Variants in DNAH11 observed in about 807,000 individuals in gnomAD.
DNAH11 encodes the protein axonemal beta dynein heavy chain 11.
DNAH11 carries 442 observed loss-of-function variants against 526.0 expected under a neutral mutation model. The ratio of observed to expected loss-of-function variants is 0.84; its 90% CI spans 0.78 to 0.91. The LOEUF (loss-of-function observed/expected upper bound fraction) is 0.91, where lower values mean the gene tolerates loss of function less well. Ranked by LOEUF, DNAH11 falls within the 40% of genes least tolerant of loss-of-function variation. The probability of loss-of-function intolerance (pLI) is 0.00; values close to 1 mark genes in which losing one functional copy is unlikely to be tolerated. For missense variants in DNAH11, 6,989 were observed against 5,448.7 expected, an observed-to-expected ratio of 1.28 and a Z score of -8.90; for synonymous variants, 2,461 against 1,935.9, an observed-to-expected ratio of 1.27 and a Z score of -7.12.
At chr7:21,684,958 T>G (rs575370677) in intron 32 of DNAH11, among the ~76,000 whole-genome samples, 3 of 152,332 alleles carry the variant, frequency 2.0e-5, no homozygotes, top group African/African-American at 7.2e-5. Flanking sequence ...ATCACCGAAG[T>G]GTAGACAATT....
intron 61 of DNAH11, among the ~76,000 whole-genome samples, chr7:21,797,791 CCAAA>C (rs1478571234): frequency 1.3e-5 from 2 of 152,098 alleles, no homozygotes; most frequent in Admixed American, 6.6e-5. Context: ...CAACTTTTAC[CCAAA>C]CATTTGCCAT....
chr7:21,560,314 C>T (rs1783402920), intron 4 of DNAH11, among the ~76,000 whole-genome samples: 1 of 152,036 alleles, frequency 6.6e-6, no homozygotes, highest in African/African-American at 2.4e-5. Flanking sequence ...GATGGATCAA[C>T]TAATAGGATA....
At chr7:21,719,041 T>C (rs1784778598) in intron 43 of DNAH11, among the ~76,000 whole-genome samples, 1 of 152,220 alleles carries the variant, frequency 6.6e-6, no homozygotes, top group South Asian at 2.1e-4. Context: ...TTTCTCAAGT[T>C]CACTTGTGTA....
At chr7:21,642,993 A>G (rs1035223555) in intron 28 of DNAH11, among the ~76,000 whole-genome samples, 1 of 152,156 alleles carries the variant, frequency 6.6e-6, no homozygotes, top group Non-Finnish European at 1.5e-5. Context: ...CTGACCTCCC[A>G]AGGTTATCGA....
chr7:21,900,514 A>C (rs1277061768), intron 81 of DNAH11, among the ~76,000 whole-genome samples: 5 of 152,160 alleles, frequency 3.3e-5, no homozygotes, highest in South Asian at 4.1e-4. Flanking sequence ...GGAAGATGCT[A>C]CTGCGTAGGG....
chr7:21,802,039 T>C (rs1789019028), intron 62 of DNAH11, among the ~76,000 whole-genome samples: 2 of 152,248 alleles, frequency 1.3e-5, no homozygotes, highest in Non-Finnish European at 1.5e-5. Context: ...AACTTTGTTT[T>C]CTTGTATCTA....
chr7:21,778,092 T>C (rs1183871497), intron 56 of DNAH11, among the ~76,000 whole-genome samples: 1 of 152,208 alleles, frequency 6.6e-6, no homozygotes, highest in Non-Finnish European at 1.5e-5. Flanking sequence ...TCATGTTTTT[T>C]TTCTCTAGTA....
intron 76 of DNAH11, among the ~76,000 whole-genome samples, chr7:21,890,182 T>G (rs1028461409): frequency 6.6e-6 from 1 of 152,190 alleles, no homozygotes; most frequent in East Asian, 1.9e-4. Context: ...TGCAGATAAA[T>G]TGTCATTTCT....
chr7:21,773,917 TGAA>T lies in DNAH11; in HGVS notation c.9262_9264del (p.Lys3088del), dbSNP rs1478331106. The T allele has an allele frequency of 1.9e-6, 3 of 1,599,582 alleles. No individual in the cohort carries two copies. The highest frequency in any genetic ancestry group is 3.5e-5 in the Admixed American group (2 of 57,710). Reference sequence around the variant, plus strand: ...CAAATATCACTGTTTAAGAACCTGTTGAAGAAGAAGCAAAATGAGGTATCCGAG... The same window carrying T: ...CAAATATCACTGTTTAAGAACCTGTTGAAGAAGCAAAATGAGGTATCCGAG... On this transcript the variant is annotated inframe_deletion, in exon 56 of 82. Transcript: ENST00000409508.
intron 18 of DNAH11, among the ~76,000 whole-genome samples, chr7:21,602,192 T>C (rs533192361): frequency 6.6e-6 from 1 of 151,920 alleles, no homozygotes; most frequent in Admixed American, 6.6e-5. Context: ...ATACAAAAAT[T>C]AGCTGGGCAT....
Position 21,725,814 on chromosome 7 carries a change from T to A in DNAH11, c.7270T>A (p.Ser2424Thr), listed in dbSNP as rs1785073669. 2.5e-6 allele frequency: 4 copies of A among 1,609,970 alleles called. No individual in the cohort carries two copies. Among genetic ancestry groups the A allele is most frequent in the African/African-American group, 1.3e-5 (1 of 74,898 alleles). ...GGATTTCTTTTGTTCTCCTTAGATT[T>A]CTGATTATCAAGCTGACTTCAGTCG... is the stretch of plus-strand genomic sequence containing the variant. ...FGGTLLQDQI[S>T]DYQADFSRWW... is the part of the protein sequence containing the mutation. The change falls in exon 45 of 82, where the codon TCT (serine) becomes ACT (threonine). Residue 2424 changes from serine to threonine, a missense_variant. Physicochemically the swap from Ser to Thr is moderately conservative, Grantham distance 58. Coordinates refer to ENST00000409508, the MANE Select transcript of DNAH11 (RefSeq NM_001277115.2).
intron 25 of DNAH11, among the ~76,000 whole-genome samples, chr7:21,629,194 T>C (rs1372866722): frequency 1.3e-5 from 2 of 152,186 alleles, no homozygotes; most frequent in Non-Finnish European, 2.9e-5. Context: ...TTGTTTAATT[T>C]GCATGTGTTT....
intron 79 of DNAH11, among the ~76,000 whole-genome samples, chr7:21,896,779 T>C (rs934262047): frequency 6.6e-6 from 1 of 152,130 alleles, no homozygotes; most frequent in African/African-American, 2.4e-5. Context: ...TAGATGTCAT[T>C]GTCCAGGTTG....
Position 21,600,742 on chromosome 7 carries a change from GT to G in DNAH11, c.3068del (p.Val1023AlafsTer6). 1 of 1,613,838 alleles carries G rather than the reference GT, an allele frequency of 6.2e-7. No homozygotes were observed. Among genetic ancestry groups the G allele is most frequent in the East Asian group, 2.2e-5 (1 of 44,872 alleles). ...RQEIMNRVVN[V>X]INKVLDFRNT... ...GGAGATCATGAACAGAGTGGTGAAT[GT>G]CATCAACAAAGTCTTAGATTTCAGA... On this transcript the variant is annotated frameshift_variant, in exon 16 of 82. Transcript: ENST00000409508. LOFTEE classifies it high-confidence loss of function.
intron 25 of DNAH11, among the ~76,000 whole-genome samples, chr7:21,625,337 T>C (rs1786278312): frequency 3.9e-5 from 6 of 152,188 alleles, no homozygotes; most frequent in Admixed American, 3.9e-4. Flanking sequence ...TGATCCTTTG[T>C]ATTTCTGTCG....
rs60554135 is a variant in DNAH11, at chr7:21,765,609, G to T, written c.9102+20G>T. On this transcript the variant is annotated intron_variant, in intron 55 of 81. Coordinates refer to ENST00000409508, the MANE Select transcript of DNAH11 (RefSeq NM_001277115.2). ...ATTGAGGTATGCCGTGTCAGCCTGC[G>T]TCACACACACACACACACACACACA... 8.0e-5 allele frequency: 84 copies of T among 1,046,798 alleles called. No homozygotes were observed. In the Admixed American group the frequency reaches 2.3e-3, roughly 29 times the overall value. 64.8% of individuals were successfully genotyped at this position (1,046,798 alleles called of 1,614,324 possible). A position where few individuals can be genotyped will look rare whatever the true frequency, so the allele number is the denominator to read the frequency against.
intron 61 of DNAH11, among the ~76,000 whole-genome samples, chr7:21,798,534 C>T (rs979303096): frequency 2.0e-5 from 3 of 152,208 alleles, no homozygotes; most frequent in Admixed American, 1.3e-4. Flanking sequence ...TTGTGAAATG[C>T]CTTCCATTAA....
Position 21,561,112 on chromosome 7 carries a change from A to G in DNAH11, c.924A>G (p.Thr308=). ...PVVLKMVKIL[T]TKQSSYFPTL... is the part of the protein sequence containing the mutation. ...TCCTCAAAATGGTTAAGATCCTGAC[A>G]ACTAAACAAAGCAGCTATTTTCCTA... The change falls in exon 5 of 82, where the codon ACA becomes ACG. Residue 308 remains threonine, a synonymous_variant. Transcript: ENST00000409508. 6.2e-7 allele frequency: 1 copy of G among 1,605,180 alleles called. No individual in the cohort carries two copies. Among genetic ancestry groups the G allele is most frequent in the Non-Finnish European group, 8.5e-7 (1 of 1,175,612 alleles).
chr7:21,738,342 G>C (rs766404005), intron 46 of DNAH11, among the ~76,000 whole-genome samples: 1 of 152,204 alleles, frequency 6.6e-6, no homozygotes, highest in Non-Finnish European at 1.5e-5. Flanking sequence ...AGAACTGAGA[G>C]ACCAGGCCAT....
Sources: gnomAD v4.1 joint callset for allele counts (sites outside exome capture counted in the v4.1 genomes callset) on GRCh38, gnomAD v4.1.1 for gene constraint, MANE v1.5 for transcripts, NCBI Gene and HGNC (gene_info 2026-07-23, HGNC 2026-07-21) for gene names.